The following HDX variants were observed in gnomAD, a reference collection of about 807,000 sequenced individuals.
HDX encodes the protein chromosome X open reading frame 43.
Under a neutral mutation model 45.2 loss-of-function variants are expected in HDX, and 19 were observed. The ratio of observed to expected loss-of-function variants is 0.42; its 90% confidence interval spans 0.29 to 0.62. The LOEUF is 0.62. Among genes scored for constraint, HDX ranks in the 20% least tolerant of loss-of-function variants. HDX has a pLI of 0.20. For missense variants in HDX, 532 were observed against 493.9 expected (o/e 1.08, Z -0.73); for synonymous variants, 188 against 172.8 (o/e 1.09, Z -0.69).
chrX:84,352,528 G>A (rs1435162401), intron 6 of HDX, among the ~76,000 whole-genome samples: 3 of 109,966 alleles, frequency 2.7e-5, no homozygotes, highest in East Asian at 2.8e-4. Flanking sequence ...ATATATTTAC[G>A]AGGCACATGA....
At chrX:84,469,713 C>T in intron 3 of HDX, 138 bp from the exon 4 acceptor site, 1 of 497,419 alleles carries the variant, frequency 2.0e-6, no homozygotes, top group Non-Finnish European at 3.1e-6. Flanking sequence ...GGTAAAATAA[C>T]AGAAAAACTG....
At chrX:84,336,627 T>C (rs751439681) in intron 8 of HDX, among the ~76,000 whole-genome samples, 174 bp downstream of exon 8, 2 of 111,648 alleles carry the variant, frequency 1.8e-5, no homozygotes, top group East Asian at 5.6e-4. Flanking sequence ...ATGACAACAT[T>C]TTAAATTTTA....
intron 5 of HDX, among the ~76,000 whole-genome samples, chrX:84,420,138 C>T (rs2039215514): frequency 8.9e-6 from 1 of 111,873 alleles, no homozygotes; most frequent in African/African-American, 3.2e-5. Context: ...ATAACCTTAA[C>T]AAATAAATTA....
chrX:84,330,714 C>T (rs1294210175), intron 9 of HDX, among the ~76,000 whole-genome samples: 1 of 111,939 alleles, frequency 8.9e-6, no homozygotes, highest in African/African-American at 3.2e-5. Context: ...CATGAAGCAT[C>T]TTTTGGTATG....
intron 5 of HDX, among the ~76,000 whole-genome samples, chrX:84,413,679 G>A (rs964822300): frequency 9.0e-6 from 1 of 111,653 alleles, no homozygotes; most frequent in Non-Finnish European, 1.9e-5. Flanking sequence ...TTTAATGATT[G>A]TTTCATATGA....
At chrX:84,396,169 A>G (rs1266795345) in intron 5 of HDX, among the ~76,000 whole-genome samples, 1 of 112,311 alleles carries the variant, frequency 8.9e-6, no homozygotes, top group Non-Finnish European at 1.9e-5. Context: ...CTGCACATGT[A>G]GTGTAACAAT....
At chrX:84,481,300 GTCTAT>G (rs1339298213) in intron 2 of HDX, among the ~76,000 whole-genome samples, 1 of 110,942 alleles carries the variant, frequency 9.0e-6, no homozygotes, top group Non-Finnish European at 1.9e-5. Flanking sequence ...CATTAGTTTT[GTCTAT>G]TGTTTTTCCG....
chrX:84,446,413 T>G (rs1194257652), intron 4 of HDX, among the ~76,000 whole-genome samples: 1 of 112,036 alleles, frequency 8.9e-6, no homozygotes, highest in Admixed American at 9.5e-5. Context: ...AAAAGATTTA[T>G]TGCTTTTGTC....
Position 84,468,872 on chromosome X carries a change from T to C in HDX, c.851A>G (p.Gln284Arg), listed in dbSNP as rs767210738. 11 of 1,209,843 alleles carry C rather than the reference T, an allele frequency of 9.1e-6. No homozygotes were observed. ...PQRILGGNAP[Q>R]KPSSAEGNCL... ...ATTTCCTTCTGCTGAGCTAGGCTTC[T>C]GTGGGGCATTTCCTCCCAGAATTCT... Residue 284 changes from glutamine (Q) to arginine (R), a missense_variant, in exon 4 of 11, where the codon CAG (glutamine) becomes CGG (arginine). By Grantham distance (43) the Gln-to-Arg change is conservative. Around this residue, in one of 3 missense-constraint regions of HDX, gnomAD observed 376 missense variants for 343.7 expected, o/e 1.09. Transcript: ENST00000373177.
intron 5 of HDX, among the ~76,000 whole-genome samples, chrX:84,386,810 T>A (rs1401608946): frequency 8.9e-6 from 1 of 112,066 alleles, no homozygotes; most frequent in Admixed American, 9.5e-5. Flanking sequence ...TTTCACAATC[T>A]TTTATATGGA....
chrX:84,392,554 G>T (rs902527406), intron 5 of HDX, among the ~76,000 whole-genome samples: 4 of 109,936 alleles, frequency 3.6e-5, no homozygotes, highest in African/African-American at 1.3e-4. Flanking sequence ...GTGTGCATGG[G>T]GTGTCTTTTC....
Position 84,438,033 on chromosome X carries a change from C to T in HDX, c.1305+2499G>A, listed in dbSNP as rs182298506. 2.7e-5 allele frequency among the ~76,000 whole-genome samples: 3 copies of T among 110,821 alleles called. No individual in the cohort carries two copies. The East Asian group carries it at 8.7e-4, about 32-fold the overall frequency. Reference sequence around the variant, plus strand: ...CTCACTTCATGTTGTTCTTGAAATTCCTGCTCCAACTGGTGGCAGATGGGG... The same window carrying T: ...CTCACTTCATGTTGTTCTTGAAATTTCTGCTCCAACTGGTGGCAGATGGGG... On this transcript the variant is annotated intron_variant, in intron 5 of 10. Coordinates refer to ENST00000373177, the MANE Select transcript of HDX (RefSeq NM_001177479.2).
intron 3 of HDX, among the ~76,000 whole-genome samples, chrX:84,472,354 G>A (rs913027478): frequency 2.7e-5 from 3 of 111,339 alleles, no homozygotes; most frequent in African/African-American, 9.8e-5. Context: ...TAGCTATATA[G>A]CAACCTAGCA....
chrX:84,486,680 T>C (rs2040798674), intron 2 of HDX, among the ~76,000 whole-genome samples: 2 of 110,721 alleles, frequency 1.8e-5, no homozygotes, highest in Non-Finnish European at 3.8e-5. Flanking sequence ...GTTTTACATC[T>C]CCATGGTTTC....
At chrX:84,494,654 A>G (rs2040963376) in intron 1 of HDX, among the ~76,000 whole-genome samples, 1 of 111,903 alleles carries the variant, frequency 8.9e-6, no homozygotes, top group Non-Finnish European at 1.9e-5. Flanking sequence ...ACATACAAAC[A>G]CACATGTATT....
chrX:84,326,133 T>C, intron 10 of HDX, 45 bp downstream of exon 10: 2 of 1,175,997 alleles, frequency 1.7e-6, no homozygotes, highest in East Asian at 3.0e-5. Context: ...CATACCATTT[T>C]TTGACTTGAT....
At chrX:84,486,680 T>TC (rs1053936715) in intron 2 of HDX, among the ~76,000 whole-genome samples, 2 of 110,770 alleles carry the variant, frequency 1.8e-5, no homozygotes, top group Admixed American at 9.6e-5. Context: ...GTTTTACATC[T>TC]CCATGGTTTC....
chrX:84,340,385 T>G (rs1344240570), intron 7 of HDX, among the ~76,000 whole-genome samples: 4 of 111,351 alleles, frequency 3.6e-5, no homozygotes, highest in Middle Eastern at 4.3e-3. Flanking sequence ...TCTTAGATAA[T>G]GCTACTGAAT....
At chrX:84,368,758 A>G (rs1421758045) in intron 5 of HDX, among the ~76,000 whole-genome samples, 1 of 111,663 alleles carries the variant, frequency 9.0e-6, no homozygotes, top group Non-Finnish European at 1.9e-5. Flanking sequence ...TTTTGGCACC[A>G]GGGACCAGTT....
Sources: allele counts gnomAD v4.1 joint callset (sites outside exome capture counted in the v4.1 genomes callset), GRCh38; gene constraint gnomAD v4.1.1; regional missense constraint gnomAD v4.1.1; transcripts MANE v1.5; gene names NCBI Gene and HGNC (gene_info 2026-07-23, HGNC 2026-07-21).